The following GPHN variants were observed in gnomAD, a reference collection of about 807,000 sequenced individuals.
The protein encoded by GPHN is gephyrin.
A neutral mutation model predicts 95.5 loss-of-function variants in GPHN; 17 were observed. The ratio of observed to expected loss-of-function variants is 0.18; its 90% confidence interval spans 0.12 to 0.27. GPHN has a LOEUF of 0.27. GPHN is among the 10% of genes least tolerant of loss of function. The pLI is 1.00. For synonymous variants in GPHN, 320 were observed against 322.5 expected (o/e 0.99, Z 0.08); for missense variants, 660 against 978.1 (o/e 0.67, Z 4.34).
chr14:67,200,046 TG>T, the GPHN span: 2 of 932,480 alleles, frequency 2.1e-6, no homozygotes, highest in Admixed American at 2.7e-5. Context: ...ACCCAGGCTC[TG>T]GGGGACAGCC....
the GPHN span, chr14:67,395,502 A>C: frequency 6.2e-7 from 1 of 1,614,092 alleles, no homozygotes. Flanking sequence ...GTGATCTCAA[A>C]GGCCCAGGCA....
the GPHN span, among the ~76,000 whole-genome samples, chr14:67,432,521 G>A: frequency 6.6e-6 from 1 of 152,210 alleles, no homozygotes; most frequent in Admixed American, 6.5e-5. Context: ...ACGTTTACAA[G>A]GACACCTCTC....
chr14:67,292,670 C>A, the GPHN span: 1 of 1,613,706 alleles, frequency 6.2e-7, no homozygotes, highest in Non-Finnish European at 8.5e-7. Context: ...ATGAACAAGG[C>A]CAGTCCTCCA....
chr14:66,555,993 C>T (rs567796941), intron 1 of GPHN, among the ~76,000 whole-genome samples: 9 of 152,112 alleles, frequency 5.9e-5, no homozygotes, highest in Non-Finnish European at 1.3e-4. Context: ...TAGCCTACTA[C>T]ACACCTAGGC....
chr14:66,602,770 G>T (rs1030551264), intron 1 of GPHN, among the ~76,000 whole-genome samples: 1 of 151,858 alleles, frequency 6.6e-6, no homozygotes, highest in Non-Finnish European at 1.5e-5. Context: ...TGACTTGCAA[G>T]CTTGGATTCA....
chr14:67,155,473 G>C (rs2081529136), intron 18 of GPHN, among the ~76,000 whole-genome samples: 1 of 152,186 alleles, frequency 6.6e-6, no homozygotes, highest in African/African-American at 2.4e-5. Flanking sequence ...AAATGATGCT[G>C]ATACTTATAT....
At chr14:66,732,101 C>T (rs2071821022) in intron 2 of GPHN, among the ~76,000 whole-genome samples, 1 of 152,188 alleles carries the variant, frequency 6.6e-6, no homozygotes, top group Non-Finnish European at 1.5e-5. Context: ...GGGCAGAGCC[C>T]TCACAGAGAA....
intron 1 of GPHN, among the ~76,000 whole-genome samples, chr14:66,588,620 C>T (rs547978610): frequency 1.3e-5 from 2 of 151,670 alleles, no homozygotes; most frequent in African/African-American, 2.4e-5. Context: ...ATCGATCAAG[C>T]GGAAGAAATG....
At chr14:67,726,118 T>C in the GPHN span, 1 of 1,613,900 alleles carries the variant, frequency 6.2e-7, no homozygotes, top group Non-Finnish European at 8.5e-7. Context: ...CCAAGACAGC[T>C]GATGGCTTTG....
chr14:66,794,629 G>A (rs542032342), intron 3 of GPHN, among the ~76,000 whole-genome samples: 35 of 152,168 alleles, frequency 2.3e-4, no homozygotes, highest in Admixed American at 9.2e-4. Context: ...TACAGTTAAT[G>A]TAGAAAAAAC....
At chr14:67,533,179 G>A in the GPHN span, 1 of 151,990 alleles carries the variant, frequency 6.6e-6, no homozygotes. Context: ...GTTGAATGGG[G>A]CGCAGCAAGG....
At chr14:66,935,836 CCAAT>C (rs2067103976) in intron 8 of GPHN, among the ~76,000 whole-genome samples, 1 of 151,866 alleles carries the variant, frequency 6.6e-6, no homozygotes, top group African/African-American at 2.4e-5. Flanking sequence ...TAATTGAATA[CCAAT>C]CATTCTCTAA....
chr14:67,304,022 C>G, the GPHN span: 3 of 159,538 alleles, frequency 1.9e-5, no homozygotes, highest in African/African-American at 7.2e-5. Context: ...CCTGCCTCGG[C>G]CTCCCAAAGT....
chr14:66,694,810 A>G (rs369303304), intron 2 of GPHN, among the ~76,000 whole-genome samples: 2 of 152,348 alleles, frequency 1.3e-5, no homozygotes, highest in Admixed American at 6.5e-5. Context: ...GCATCTGATA[A>G]TGTACTATTA....
intron 3 of GPHN, among the ~76,000 whole-genome samples, chr14:66,791,588 C>T (rs2153471802): frequency 6.6e-6 from 1 of 152,314 alleles, no homozygotes; most frequent in Admixed American, 6.5e-5. Flanking sequence ...AGGGTAATTT[C>T]TGACATTGCC....
intron 13 of GPHN, among the ~76,000 whole-genome samples, chr14:67,105,835 A>G (rs1333743352): frequency 6.6e-6 from 1 of 152,056 alleles, no homozygotes; most frequent in Non-Finnish European, 1.5e-5. Flanking sequence ...ATTTAAGGTT[A>G]TTACTGATAG....
chr14:67,420,064 G>T, the GPHN span, among the ~76,000 whole-genome samples: 51,501 of 152,090 alleles, frequency 0.34, 13,018 homozygotes, highest in African/African-American at 0.69. Context: ...CCAGGACCCT[G>T]GAAAATCCCT....
At chr14:66,958,317 C>T (rs2068670848) in intron 8 of GPHN, among the ~76,000 whole-genome samples, 1 of 152,112 alleles carries the variant, frequency 6.6e-6, no homozygotes, top group South Asian at 2.1e-4. Context: ...CTTTTGGCTA[C>T]AGCTCCCATA....
At chr14:66,578,114 A>G (rs1354587277) in intron 1 of GPHN, among the ~76,000 whole-genome samples, 2 of 151,806 alleles carry the variant, frequency 1.3e-5, no homozygotes, top group Non-Finnish European at 2.9e-5. Flanking sequence ...CAGTTTTCCA[A>G]TGTTAGCCAT....
Sources: allele counts gnomAD v4.1 joint callset (sites outside exome capture counted in the v4.1 genomes callset), GRCh38; gene constraint gnomAD v4.1.1; transcripts MANE v1.5; gene names NCBI Gene and HGNC (gene_info 2026-07-23, HGNC 2026-07-21).